Variants in RIF1 observed in about 807,000 individuals in gnomAD.
RIF1 encodes replication timing regulatory factor 1.
Under a neutral mutation model 247.1 loss-of-function variants are expected in RIF1, and 45 were observed. The ratio of observed to expected loss-of-function variants is 0.18; its 90% CI spans 0.14 to 0.23. The LOEUF is 0.23. Ranked by LOEUF, RIF1 falls within the 10% of genes least tolerant of loss-of-function variation. RIF1 has a pLI of 1.00. For missense variants in RIF1, 2,967 were observed against 2,862.5 expected (o/e 1.04, Z -0.83); for synonymous variants, 1,087 against 978.8 (o/e 1.11, Z -2.06).
At position 151,446,571 on chromosome 2, in the gene RIF1, T is replaced by C. The variant is rs140199402; in HGVS notation, c.2240T>C (p.Phe747Ser). The change falls in exon 20 of 36, where the codon TTT (phenylalanine) becomes TCT (serine). Residue 747 changes from phenylalanine to serine, a missense_variant. Transcript: ENST00000444746. ...KIMSSLEDEG[F>S]SNLLFVDRII... ...ATGTCCAGTTTGGAAGATGAAGGCTTTTCTGTGAGTTTGTCCTGATGCTAC... is the reference window on the plus strand; with the variant it reads ...ATGTCCAGTTTGGAAGATGAAGGCTCTTCTGTGAGTTTGTCCTGATGCTAC... The C allele has an allele frequency of 6.8e-5, 109 of 1,611,974 alleles. No individual in the cohort carries two copies. Among genetic ancestry groups the C allele is most frequent in the Non-Finnish European group, 8.5e-5 (100 of 1,179,664 alleles).
chr2:151,418,408 T>C (rs547066505), intron 6 of RIF1, among the ~76,000 whole-genome samples: 2 of 152,294 alleles, frequency 1.3e-5, no homozygotes, highest in Admixed American at 6.5e-5. Context: ...TTTTGCCACG[T>C]TGGCCAGTCT....
At chr2:151,524,305 C>T in the RIF1 span, 1 of 1,611,710 alleles carries the variant, frequency 6.2e-7, no homozygotes, top group Non-Finnish European at 8.5e-7. Flanking sequence ...CACCCATCTG[C>T]ATTACCTGGC....
At chr2:151,430,320 C>CT (rs71403168) in intron 9 of RIF1, among the ~76,000 whole-genome samples, 3,666 of 150,996 alleles carry the variant, frequency 0.024, 57 homozygotes, top group African/African-American at 0.039. Context: ...TGCGCCCGGC[C>CT]TTTTTTTTCT....
At chr2:151,415,563 CAAAAAAAAAAA>C (rs3040729) in intron 4 of RIF1, among the ~76,000 whole-genome samples, 4 of 44,878 alleles carry the variant, frequency 8.9e-5, no homozygotes, top group Admixed American at 3.5e-4. Context: ...GACTCTGTCT[CAAAAAAAAAAA>C]AAAAAAAAAA....
the RIF1 span, among the ~76,000 whole-genome samples, chr2:151,513,162 A>G: frequency 1.3e-5 from 2 of 152,226 alleles, no homozygotes; most frequent in East Asian, 1.9e-4. Flanking sequence ...ACCCATACCA[A>G]TGAGCATTAG....
the RIF1 span, chr2:151,531,789 T>TA: frequency 6.2e-7 from 1 of 1,603,874 alleles, no homozygotes; most frequent in Non-Finnish European, 8.5e-7. Flanking sequence ...TTCTTGCACT[T>TA]ACATCGCTGA....
the RIF1 span, among the ~76,000 whole-genome samples, chr2:151,519,335 G>T: frequency 6.6e-6 from 1 of 152,164 alleles, no homozygotes; most frequent in African/African-American, 2.4e-5. Context: ...AACATGGATG[G>T]ACCTTGAACA....
chr2:151,428,604 CTT>C (rs1223307892), intron 8 of RIF1, among the ~76,000 whole-genome samples, 178 bp from the exon 9 acceptor site: 5 of 152,110 alleles, frequency 3.3e-5, no homozygotes, highest in Non-Finnish European at 7.4e-5. Context: ...ATTCCTAAGA[CTT>C]TTAACATATC....
intron 26 of RIF1, among the ~76,000 whole-genome samples, chr2:151,460,540 T>C (rs1302461825): frequency 6.6e-6 from 1 of 152,194 alleles, no homozygotes; most frequent in Admixed American, 6.5e-5. Flanking sequence ...ATCAACTAGC[T>C]CATGCTAGTT....
intron 8 of RIF1, among the ~76,000 whole-genome samples, chr2:151,426,168 A>ATTCTTTTTTTTTTTTT (rs1689045389): frequency 1.7e-5 from 1 of 58,214 alleles, no homozygotes; most frequent in African/African-American, 6.9e-5. Context: ...TTGGCTTTTA[A>ATTCTTTTTTTTTTTTT]TTTTTTTTTT....
At chr2:151,467,939 T>G (rs748495174) in intron 30 of RIF1, 61 bp from the exon 31 acceptor site, 1 of 1,499,918 alleles carries the variant, frequency 6.7e-7, no homozygotes. Context: ...AATGAAAATT[T>G]ATGGTGTAAT....
At chr2:151,439,596 G>A (rs1258870187) in intron 14 of RIF1, among the ~76,000 whole-genome samples, 2 of 151,122 alleles carry the variant, frequency 1.3e-5, no homozygotes, top group Admixed American at 1.3e-4. Flanking sequence ...TTGAACCTGG[G>A]AGGCGGAGGT....
At chr2:151,502,852 G>T in intron 11 of RIF1, 1 of 1,606,112 alleles carries the variant, frequency 6.2e-7, no homozygotes, top group South Asian at 1.1e-5. Context: ...ATAGGTGTTG[G>T]GATTCCTTTC....
In RIF1 at chr2:151,491,872, TCA is replaced by T. The variant is rs1010712506; in HGVS notation, c.*416-3353_*416-3352del. On this transcript the variant is annotated intron_variant and NMD_transcript_variant, in intron 9 of 13. Transcript: ENST00000454583. ...TTTTAACAACCACCAAAGGATTGAA[TCA>T]CACTTATTCCAGCTTAGGTTCTGGG... The T allele has an allele frequency of 5.8e-5, 62 of 1,067,652 alleles. No homozygotes were observed. The African/African-American group carries it at 9.2e-4, about 16-fold the overall frequency. The allele number at this position is 1,067,652 out of a possible 1,614,324, so 66.1% of individuals were successfully genotyped here.
downstream of RIF1, chr2:151,485,641 A>T (rs1182151988): frequency 4.2e-6 from 4 of 959,038 alleles, no homozygotes; most frequent in Non-Finnish European, 6.1e-6. Flanking sequence ...ACCATAAATC[A>T]CATTGACACA....
intron 30 of RIF1, 71 bp from the exon 31 acceptor site, chr2:151,467,929 A>T: frequency 6.9e-7 from 1 of 1,449,082 alleles, no homozygotes; most frequent in Non-Finnish European, 9.4e-7. Context: ...GTAACCTCAT[A>T]ATGAAAATTT....
chr2:151,526,260 C>G, the RIF1 span: 1 of 1,606,326 alleles, frequency 6.2e-7, no homozygotes, highest in Admixed American at 1.7e-5. Context: ...CTTTGTATTT[C>G]AGCTTCAGGG....
chr2:151,471,696 T>A (rs1276003654), intron 34 of RIF1, among the ~76,000 whole-genome samples: 1 of 152,208 alleles, frequency 6.6e-6, no homozygotes, highest in Non-Finnish European at 1.5e-5. Context: ...GTGGTATTAT[T>A]TCTGAGGGCT....
the RIF1 span, chr2:151,514,257 T>A: frequency 3.3e-6 from 4 of 1,201,968 alleles, no homozygotes; most frequent in Admixed American, 7.3e-5. Context: ...TCTGGTGTAA[T>A]TTGGCTAACA....
Sources: gnomAD v4.1 joint callset for allele counts (sites outside exome capture counted in the v4.1 genomes callset) on GRCh38, gnomAD v4.1.1 for gene constraint, MANE v1.5 for transcripts, NCBI Gene and HGNC (gene_info 2026-07-23, HGNC 2026-07-21) for gene names.